Variants in TLX3 observed in about 807,000 individuals in gnomAD.
TLX3 encodes T cell leukemia homeobox 3.
In TLX3, 11 loss-of-function variants were observed where a neutral mutation model predicts 19.6. The observed-to-expected ratio is 0.56, with a 90% CI of 0.35 to 0.93. The LOEUF (loss-of-function observed/expected upper bound fraction) is 0.93, where lower values mean the gene tolerates loss of function less well. Among genes scored for constraint, TLX3 ranks in the 40% least tolerant of loss-of-function variants. The probability of loss-of-function intolerance (pLI) is 0.01; values close to 1 mark genes in which losing one functional copy is unlikely to be tolerated. For synonymous variants in TLX3, 221 were observed against 188.1 expected, an observed-to-expected ratio of 1.17 and a Z score of -1.43; for missense variants, 375 against 418.6, an observed-to-expected ratio of 0.90 and a Z score of 0.91.
At chr5:171,310,695 T>A (rs1419075483) in intron 2 of TLX3, among the ~76,000 whole-genome samples, 3 of 147,382 alleles carry the variant, frequency 2.0e-5, no homozygotes, top group Admixed American at 2.0e-4. Context: ...TGCGTTCACT[T>A]GATTTCCTCT....
In TLX3 at chr5:171,311,350, G is replaced by T. The variant is rs1428654457; in HGVS notation, c.666-39G>T. On this transcript the variant is annotated intron_variant, in intron 2 of 2. Transcript: ENST00000296921. The surrounding 1 kb of genome is among the most constrained non-coding windows in gnomAD (Gnocchi z 5.1). ...CCCGCCGGCGGCCCCGCGGTGCCGG[G>T]TGCATGACGGTACTGTCCCTCTCCC... The T allele has an allele frequency of 1.3e-6, 2 of 1,536,754 alleles. No homozygotes were observed. The highest frequency in any genetic ancestry group is 4.0e-5 in the Admixed American group (2 of 50,466).
Position 171,311,337 on chromosome 5 carries a change from C to T in TLX3, c.666-52C>T. 1 of 1,497,786 alleles carries T rather than the reference C, an allele frequency of 6.7e-7. No homozygotes were observed. Among genetic ancestry groups the T allele is most frequent in the South Asian group, 1.3e-5 (1 of 77,624 alleles). 92.8% of individuals were successfully genotyped at this position (1,497,786 alleles called of 1,614,324 possible). On this transcript the variant is annotated intron_variant, in intron 2 of 2. Transcript: ENST00000296921. This position sits in a 1 kb window ranked among gnomAD's most constrained non-coding sequence, Gnocchi z 5.1. ...GGAGGGCCGGGGCCCCGCCGGCGGCCCCGCGGTGCCGGGTGCATGACGGTA... is the reference window on the plus strand; with the variant it reads ...GGAGGGCCGGGGCCCCGCCGGCGGCTCCGCGGTGCCGGGTGCATGACGGTA...
In TLX3 at chr5:171,309,339, C is replaced by T; in HGVS notation, c.-27C>T. 2 of 1,367,658 alleles carry T rather than the reference C, an allele frequency of 1.5e-6. No individual in the cohort carries two copies. Among genetic ancestry groups the T allele is most frequent in the Non-Finnish European group, 2.0e-6 (2 of 994,870 alleles). 84.7% of individuals were successfully genotyped at this position (1,367,658 alleles called of 1,614,324 possible). ...GGACCCAGCCGCCTCCCCGCCCAGC[C>T]CAGCCCAGCCCTTCCGCCCGCCCAG... On this transcript the variant is annotated 5_prime_UTR_variant, in exon 1 of 3. Transcript: ENST00000296921.
At position 171,311,624 on chromosome 5, in the gene TLX3, C is replaced by T. The variant is rs1203571545; in HGVS notation, c.*25C>T. 8.9e-6 allele frequency: 14 copies of T among 1,566,178 alleles called. No homozygotes were observed. The highest frequency in any genetic ancestry group is 1.1e-5 in the Non-Finnish European group (13 of 1,150,080). ...AGCCCACCAGCGCGCACCGTCGCCA[C>T]GGATCGCCGCCCCCACCCAGCCGGG... On this transcript the variant is annotated 3_prime_UTR_variant, in exon 3 of 3. Coordinates refer to ENST00000296921, the MANE Select transcript of TLX3 (RefSeq NM_021025.4). This position sits in a 1 kb window ranked among gnomAD's most constrained non-coding sequence, Gnocchi z 5.1.
chr5:171,309,404 C>A lies in TLX3; in HGVS notation c.39C>A (p.His13Gln), dbSNP rs757689074. The change falls in exon 1 of 3, where the codon CAC (histidine) becomes CAA (glutamine). Residue 13 changes from histidine to glutamine, a missense_variant. By Grantham distance (24) the His-to-Gln change is conservative. Transcript: ENST00000296921. Reference protein sequence around the residue: ...APASAQTPHPHEPISFGIDQI... With the variant: ...APASAQTPHPQEPISFGIDQI... ...CCAGCGCGCAGACCCCGCACCCGCACGAGCCCATCAGCTTCGGCATCGACC... is the reference window on the plus strand; with the variant it reads ...CCAGCGCGCAGACCCCGCACCCGCAAGAGCCCATCAGCTTCGGCATCGACC... The A allele has an allele frequency of 1.2e-6, 2 of 1,605,862 alleles. No homozygotes were observed. Among genetic ancestry groups the A allele is most frequent in the South Asian group, 1.1e-5 (1 of 90,750 alleles).
chr5:171,309,618 G>T lies in TLX3; in HGVS notation c.253G>T (p.Ala85Ser), dbSNP rs34255055. ...CAGTGTGAACCTGAGCCTAGCGCCCGCAGGCGTGATCCGGGTGCCGGCGCA... is the reference window on the plus strand; with the variant it reads ...CAGTGTGAACCTGAGCCTAGCGCCCTCAGGCGTGATCCGGGTGCCGGCGCA... ...SYSVNLSLAP[A>S]GVIRVPAHRP... Residue 85 changes from alanine to serine, a missense_variant, in exon 1 of 3, where the codon GCA (alanine) becomes TCA (serine). Physicochemically the swap from Ala to Ser is moderately conservative, Grantham distance 99 (BLOSUM62 1). This residue lies in a region of TLX3 where 239 missense variants were observed against 217.0 expected (regional missense o/e 1.10). Transcript: ENST00000296921. The T allele has an allele frequency of 8.4e-4, 1,349 of 1,607,126 alleles. 5 individuals are homozygous for T. The highest frequency in any genetic ancestry group is 5.6e-3 in the Middle Eastern group (34 of 6,042).
At position 171,311,473 on chromosome 5, in the gene TLX3, G is replaced by T. The variant is rs1769221133; in HGVS notation, c.750G>T (p.Lys250Asn). 1.2e-6 allele frequency: 2 copies of T among 1,607,904 alleles called. No homozygotes were observed. The highest frequency in any genetic ancestry group is 1.7e-5 in the Admixed American group (1 of 59,442). ...MLQLQHDAFQKSLNDSIQPDP... is the reference protein window; with the variant it reads ...MLQLQHDAFQNSLNDSIQPDP... Reference sequence around the variant, plus strand: ...AGCTGCAACACGACGCCTTCCAAAAGAGCCTCAACGACTCCATCCAGCCTG... The same window carrying T: ...AGCTGCAACACGACGCCTTCCAAAATAGCCTCAACGACTCCATCCAGCCTG... Residue 250 changes from lysine to asparagine, a missense_variant, in exon 3 of 3, where the codon AAG (lysine) becomes AAT (asparagine). Around this residue, in one of 3 missense-constraint regions of TLX3, gnomAD observed 62 missense variants for 63.1 expected, o/e 0.98. Coordinates refer to ENST00000296921, the MANE Select transcript of TLX3 (RefSeq NM_021025.4). The surrounding 1 kb of genome is among the most constrained non-coding windows in gnomAD (Gnocchi z 5.1).
chr5:171,309,664 T>G lies in TLX3; in HGVS notation c.299T>G (p.Val100Gly). Residue 100 changes from valine to glycine, a missense_variant, in exon 1 of 3, where the codon GTG becomes GGG. Transcript: ENST00000296921. ...VPAHRPLPGA[V>G]PPPLPSALPA... ...GCGCACAGGCCGCTGCCCGGGGCCG[T>G]GCCACCGCCTCTGCCAAGCGCGCTA... The G allele has an allele frequency of 6.2e-7, 1 of 1,608,458 alleles. No homozygotes were observed. Among genetic ancestry groups the G allele is most frequent in the Non-Finnish European group, 8.5e-7 (1 of 1,178,408 alleles).
rs918208852 is a variant in TLX3 at position 171,311,254 on chromosome 5, C to T, written c.666-135C>T. ...ATATAAGAGCCTCGGGCGTAAAGCG[C>T]GGGCTGGGAGGCAGACGGGTTCTGC... On this transcript the variant is annotated intron_variant, in intron 2 of 2. Transcript: ENST00000296921. This position sits in a 1 kb window ranked among gnomAD's most constrained non-coding sequence, Gnocchi z 5.1. 3.3e-5 allele frequency: 23 copies of T among 688,558 alleles called. No homozygotes were observed. The highest frequency in any genetic ancestry group is 3.2e-4 in the African/African-American group (17 of 53,832). 42.7% of individuals were successfully genotyped at this position (688,558 alleles called of 1,614,324 possible).
Position 171,311,599 on chromosome 5 carries a change from A to G in TLX3, c.876A>G (p.Ter292TrpextTer80). The G allele has an allele frequency of 6.2e-7, 1 of 1,603,832 alleles. No individual in the cohort carries two copies. The highest frequency in any genetic ancestry group is 8.5e-7 in the Non-Finnish European group (1 of 1,175,028). Residue 292 changes from the stop codon to tryptophan (W), a stop_lost, in exon 3 of 3, where the codon TGA (stop) becomes TGG (tryptophan). Transcript: ENST00000296921. The surrounding 1 kb of genome is among the most constrained non-coding windows in gnomAD (Gnocchi z 5.1). ...SKVPAVTSLV[*>W] is the part of the protein sequence containing the mutation. Reference sequence around the variant, plus strand: ...TTCCCGCTGTCACCTCCCTGGTGTGAGCCCACCAGCGCGCACCGTCGCCAC... The same window carrying G: ...TTCCCGCTGTCACCTCCCTGGTGTGGGCCCACCAGCGCGCACCGTCGCCAC...
chr5:171,309,345 C>T lies in TLX3; in HGVS notation c.-21C>T. On this transcript the variant is annotated 5_prime_UTR_variant, in exon 1 of 3. Coordinates refer to ENST00000296921, the MANE Select transcript of TLX3 (RefSeq NM_021025.4). ...AGCCGCCTCCCCGCCCAGCCCAGCC[C>T]AGCCCTTCCGCCCGCCCAGGATGGA... The T allele has an allele frequency of 1.4e-6, 2 of 1,445,120 alleles. No individual in the cohort carries two copies. The highest frequency in any genetic ancestry group is 1.9e-6 in the Non-Finnish European group (2 of 1,058,096). 89.5% of individuals were successfully genotyped at this position (1,445,120 alleles called of 1,614,324 possible).
rs1561843258 is a variant in TLX3 at position 171,311,553 on chromosome 5, G to A, written c.830G>A (p.Trp277Ter). 6.2e-7 allele frequency: 1 copy of A among 1,613,122 alleles called. No individual in the cohort carries two copies. The highest frequency in any genetic ancestry group is 8.5e-7 in the Non-Finnish European group (1 of 1,179,642). ...SLFALQNLQP[W>*]EEDSSKVPAV... ...TTTGCTCTGCAGAATCTGCAGCCCT[G>A]GGAGGAGGATAGTTCCAAGGTTCCC... is the stretch of plus-strand genomic sequence containing the variant. The change falls in exon 3 of 3, where the codon TGG (tryptophan) becomes TAG (stop). Residue 277 changes from tryptophan to a stop codon, truncating the protein, a stop_gained. Coordinates refer to ENST00000296921, the MANE Select transcript of TLX3 (RefSeq NM_021025.4). LOFTEE classifies it high-confidence loss of function. This position sits in a 1 kb window ranked among gnomAD's most constrained non-coding sequence, Gnocchi z 5.1.
In TLX3 at chr5:171,309,469, C is replaced by G. The variant is rs772206027; in HGVS notation, c.104C>G (p.Pro35Arg). Residue 35 changes from proline (P) to arginine (R), a missense_variant, in exon 1 of 3, where the codon CCG becomes CGG. This residue lies in a region of TLX3 where 239 missense variants were observed against 217.0 expected (regional missense o/e 1.10). Coordinates refer to ENST00000296921, the MANE Select transcript of TLX3 (RefSeq NM_021025.4). ...NSPDQDSAPA[P>R]RGPDGASYLG... ...CCGGACCAGGACAGCGCACCCGCCC[C>G]GCGGGGCCCCGACGGCGCCAGCTAC... The G allele has an allele frequency of 2.5e-6, 4 of 1,595,670 alleles. No individual in the cohort carries two copies. Among genetic ancestry groups the G allele is most frequent in the Non-Finnish European group, 3.4e-6 (4 of 1,172,498 alleles).
At position 171,310,297 on chromosome 5, in the gene TLX3, A is replaced by G. The variant is rs1162577966; in HGVS notation, c.569A>G (p.Tyr190Cys). Residue 190 changes from tyrosine (Y) to cysteine (C), a missense_variant, in exon 2 of 3, where the codon TAC (tyrosine) becomes TGC (cysteine). Tyr to Cys is a radical substitution (Grantham distance 194, BLOSUM62 -2). Transcript: ENST00000296921. Reference sequence around the variant, plus strand: ...GAAAAGCGCTTCCATCGCCAGAAGTACCTGGCCTCTGCCGAGAGGGCGGCG... The same window carrying G: ...GAAAAGCGCTTCCATCGCCAGAAGTGCCTGGCCTCTGCCGAGAGGGCGGCG... ...ELEKRFHRQK[Y>C]LASAERAALA... 1 of 1,602,464 alleles carries G rather than the reference A, an allele frequency of 6.2e-7. No homozygotes were observed. The highest frequency in any genetic ancestry group is 1.3e-5 in the African/African-American group (1 of 74,694).
Position 171,311,495 on chromosome 5 carries a change from C to A in TLX3, c.772C>A (p.Pro258Thr). The change falls in exon 3 of 3, where the codon CCT (proline) becomes ACT (threonine). Residue 258 changes from proline (P) to threonine (T), a missense_variant. Transcript: ENST00000296921. The surrounding 1 kb of genome is among the most constrained non-coding windows in gnomAD (Gnocchi z 5.1). The part of the protein sequence containing the change: ...FQKSLNDSIQ[P>T]DPLCLHNSSL... ...AAAGAGCCTCAACGACTCCATCCAG[C>A]CTGACCCGCTCTGTCTGCACAACTC... The A allele has an allele frequency of 2.5e-6, 4 of 1,612,936 alleles. No individual in the cohort carries two copies. The highest frequency in any genetic ancestry group is 3.4e-6 in the Non-Finnish European group (4 of 1,179,496).
Position 171,311,061 on chromosome 5 carries a change from G to A in TLX3, c.666-328G>A, listed in dbSNP as rs1769210773. ...CCCCAGCGACCCCGGTTCCCGCAGG[G>A]CCAAGTCAGTTACACATAGGCCCTG... On this transcript the variant is annotated intron_variant, in intron 2 of 2. Coordinates refer to ENST00000296921, the MANE Select transcript of TLX3 (RefSeq NM_021025.4). This position sits in a 1 kb window ranked among gnomAD's most constrained non-coding sequence, Gnocchi z 5.1. 6.6e-6 allele frequency among the ~76,000 whole-genome samples: 1 copy of A among 152,078 alleles called. No individual in the cohort carries two copies. Among genetic ancestry groups the A allele is most frequent in the Non-Finnish European group, 1.5e-5 (1 of 68,008 alleles).
rs1016607787 is a variant in TLX3, at chr5:171,311,864, G to GC, written c.*271dup. ...ACAAGAAAGCGCCTTACGTTTCTCC[G>GC]CCCCCCGCCCGCACCCCCCGGGCCG... On this transcript the variant is annotated 3_prime_UTR_variant, in exon 3 of 3. Coordinates refer to ENST00000296921, the MANE Select transcript of TLX3 (RefSeq NM_021025.4). This position sits in a 1 kb window ranked among gnomAD's most constrained non-coding sequence, Gnocchi z 5.1. The GC allele has an allele frequency of 9.9e-6, 3 of 302,930 alleles. No individual in the cohort carries two copies. Among genetic ancestry groups the GC allele is most frequent in the African/African-American group, 2.2e-5 (1 of 45,516 alleles). 18.8% of individuals were successfully genotyped at this position (302,930 alleles called of 1,614,324 possible). A position where few individuals can be genotyped will look rare whatever the true frequency, so the allele number is the denominator to read the frequency against.
rs1434677940 is a variant in TLX3 at position 171,309,646 on chromosome 5, G to A, written c.281G>A (p.Arg94Lys). The A allele has an allele frequency of 3.1e-6, 5 of 1,608,198 alleles. No individual in the cohort carries two copies. Among genetic ancestry groups the A allele is most frequent in the African/African-American group, 1.3e-5 (1 of 74,952 alleles). Residue 94 changes from arginine (R) to lysine (K), a missense_variant, in exon 1 of 3, where the codon AGG becomes AAG. Coordinates refer to ENST00000296921, the MANE Select transcript of TLX3 (RefSeq NM_021025.4). ...GGCGTGATCCGGGTGCCGGCGCACA[G>A]GCCGCTGCCCGGGGCCGTGCCACCG... ...PAGVIRVPAH[R>K]PLPGAVPPPL...
rs1769172756 is a variant in TLX3 at position 171,309,270 on chromosome 5, G to C, written c.-96G>C. 1 of 1,097,814 alleles carries C rather than the reference G, an allele frequency of 9.1e-7. No homozygotes were observed. Among genetic ancestry groups the C allele is most frequent in the Non-Finnish European group, 1.2e-6 (1 of 808,370 alleles). 68.0% of individuals were successfully genotyped at this position (1,097,814 alleles called of 1,614,324 possible). On this transcript the variant is annotated 5_prime_UTR_variant, in exon 1 of 3. Coordinates refer to ENST00000296921, the MANE Select transcript of TLX3 (RefSeq NM_021025.4). ...CCCGCGCACTCTTGGCAAAGTTTCAGTGCGACGAGAGGCGCCGGGCGCTCC... is the reference window on the plus strand; with the variant it reads ...CCCGCGCACTCTTGGCAAAGTTTCACTGCGACGAGAGGCGCCGGGCGCTCC...
Sources: allele counts gnomAD v4.1 joint callset (sites outside exome capture counted in the v4.1 genomes callset), GRCh38; gene constraint gnomAD v4.1.1; regional missense constraint gnomAD v4.1.1; non-coding constraint Gnocchi (gnomAD v3.1); transcripts MANE v1.5; gene names NCBI Gene and HGNC (gene_info 2026-07-23, HGNC 2026-07-21).